Variants in CDH12 observed in about 807,000 individuals in gnomAD.
CDH12 encodes the protein cadherin-12.
In CDH12, 41 loss-of-function variants were observed where a neutral mutation model predicts 74.1. The ratio of observed to expected loss-of-function variants is 0.55; its 90% CI spans 0.43 to 0.72. The LOEUF is 0.72. CDH12 is among the 30% of genes least tolerant of loss of function. The probability of loss-of-function intolerance (pLI) is 0.00; values close to 1 mark genes in which losing one functional copy is unlikely to be tolerated. For synonymous variants in CDH12, 399 were observed against 355.0 expected (o/e 1.12, Z -1.39); for missense variants, 945 against 977.2 (o/e 0.97, Z 0.44).
At chr5:22,663,615 A>T (rs1198688039) in intron 1 of CDH12, among the ~76,000 whole-genome samples, 1 of 152,158 alleles carries the variant, frequency 6.6e-6, no homozygotes, top group Admixed American at 6.5e-5. Flanking sequence ...GCCTCATGTG[A>T]GCTGAATGTA....
At chr5:21,853,685 T>C (rs988433595) in intron 7 of CDH12, among the ~76,000 whole-genome samples, 5 of 151,702 alleles carry the variant, frequency 3.3e-5, no homozygotes, top group African/African-American at 1.2e-4. Context: ...TCTCAGGAAG[T>C]ATCAATTATA....
intron 1 of CDH12, among the ~76,000 whole-genome samples, chr5:22,843,389 C>T (rs1737163163): frequency 6.6e-6 from 1 of 152,062 alleles, no homozygotes; most frequent in Admixed American, 6.6e-5. Flanking sequence ...GAAGAATTCA[C>T]TATTCTTTAC....
intron 1 of CDH12, among the ~76,000 whole-genome samples, chr5:22,662,973 C>A (rs973751125): frequency 2.0e-5 from 3 of 152,156 alleles, no homozygotes; most frequent in African/African-American, 7.2e-5. Context: ...TTATAGATCC[C>A]TCTCCCATTA....
At chr5:22,172,741 CCT>C in intron 4 of CDH12, among the ~76,000 whole-genome samples, 1 of 151,636 alleles carries the variant, frequency 6.6e-6, no homozygotes, top group East Asian at 1.9e-4. Context: ...GAATGCATTT[CCT>C]TTTTTCTCTA....
intron 6 of CDH12, among the ~76,000 whole-genome samples, chr5:21,963,191 T>G (rs1172673618): frequency 6.6e-6 from 1 of 152,112 alleles, no homozygotes; most frequent in Non-Finnish European, 1.5e-5. Flanking sequence ...GCAGGTTTGT[T>G]ACAAAGTTAT....
chr5:22,267,405 G>T (rs1406941266), intron 3 of CDH12, among the ~76,000 whole-genome samples: 1 of 152,090 alleles, frequency 6.6e-6, no homozygotes, highest in Non-Finnish European at 1.5e-5. Context: ...TGGTTATTTG[G>T]TTTACGTGAT....
chr5:22,637,235 A>G (rs1738888162), intron 1 of CDH12, among the ~76,000 whole-genome samples: 1 of 152,240 alleles, frequency 6.6e-6, no homozygotes, highest in Admixed American at 6.5e-5. Context: ...ATGTAAGGCT[A>G]CAATTATTCC....
At chr5:22,306,757 T>C (rs947880755) in intron 3 of CDH12, among the ~76,000 whole-genome samples, 1 of 152,120 alleles carries the variant, frequency 6.6e-6, no homozygotes, top group Non-Finnish European at 1.5e-5. Context: ...AAAGTTTGCA[T>C]GAAAATCAAG....
intron 2 of CDH12, among the ~76,000 whole-genome samples, chr5:22,414,848 G>A (rs1410677662): frequency 1.3e-5 from 2 of 151,906 alleles, no homozygotes; most frequent in East Asian, 3.9e-4. Context: ...AGCTTTAGAA[G>A]ACTATTTTAA....
At chr5:22,427,668 T>C (rs2126512584) in intron 2 of CDH12, among the ~76,000 whole-genome samples, 1 of 152,316 alleles carries the variant, frequency 6.6e-6, no homozygotes, top group East Asian at 1.9e-4. Flanking sequence ...CCTTTTCTAG[T>C]TCATGGTCTG....
chr5:22,676,890 A>G (rs1741220529), intron 1 of CDH12, among the ~76,000 whole-genome samples: 1 of 152,208 alleles, frequency 6.6e-6, no homozygotes, highest in Non-Finnish European at 1.5e-5. Flanking sequence ...AATTACAAAT[A>G]GTAGTATTTC....
At chr5:22,583,381 T>G (rs1740202968) in intron 1 of CDH12, among the ~76,000 whole-genome samples, 1 of 152,200 alleles carries the variant, frequency 6.6e-6, no homozygotes, top group Admixed American at 6.5e-5. Context: ...AAATTTAAAA[T>G]ATTTTATTTA....
intron 1 of CDH12, among the ~76,000 whole-genome samples, chr5:22,678,290 T>C (rs575242449): frequency 1.3e-5 from 2 of 152,264 alleles, no homozygotes; most frequent in Admixed American, 6.5e-5. Flanking sequence ...TTTGGAGTGT[T>C]TGTAGCAAAC....
At chr5:22,645,469 A>G (rs1739390222) in intron 1 of CDH12, among the ~76,000 whole-genome samples, 1 of 152,020 alleles carries the variant, frequency 6.6e-6, no homozygotes, top group Non-Finnish European at 1.5e-5. Flanking sequence ...CTTTTTATGG[A>G]TTAGCAAATA....
At chr5:22,287,455 T>C (rs142228706) in intron 3 of CDH12, among the ~76,000 whole-genome samples, 3,807 of 152,214 alleles carry the variant, frequency 0.025, 70 homozygotes, top group African/African-American at 0.051. Context: ...CTGGGCGCGG[T>C]GGCTCACGCC....
rs182034060 is a variant in CDH12 at position 22,560,806 on chromosome 5, C to T, written c.-522-55442G>A. ...TTGTATTTTGCTACATCTTATATAA[C>T]ATTGTGAAACTTCTAAGGATCAGAA... is the stretch of plus-strand genomic sequence containing the variant. On this transcript the variant is annotated intron_variant, in intron 1 of 14. Transcript: ENST00000382254. Among the ~76,000 whole-genome samples, 45 of 152,194 alleles carry T rather than the reference C, an allele frequency of 3.0e-4. No individual in the cohort carries two copies. In the East Asian group the frequency reaches 3.1e-3, roughly 10 times the overall value.
rs1740849222 is a variant in CDH12 at position 22,057,852 on chromosome 5, CTG to C, written c.231+20592_231+20593del. 3.9e-5 allele frequency among the ~76,000 whole-genome samples: 6 copies of C among 152,148 alleles called. No homozygotes were observed. The South Asian group carries it at 1.2e-3, about 32-fold the overall frequency. On this transcript the variant is annotated intron_variant, in intron 5 of 14. Transcript: ENST00000382254. ...GCAGCTAAATATGTCACTGGCATCT[CTG>C]TGTTCTCCAGAGAACCAAAGGGTAC...
intron 4 of CDH12, among the ~76,000 whole-genome samples, chr5:22,173,691 A>G (rs889021954): frequency 2.0e-5 from 3 of 151,824 alleles, no homozygotes; most frequent in Admixed American, 1.3e-4. Flanking sequence ...GTAGCTATTC[A>G]TATACTAAAA....
chr5:22,701,044 T>G (rs1183794135), intron 1 of CDH12, among the ~76,000 whole-genome samples: 1 of 152,132 alleles, frequency 6.6e-6, no homozygotes, highest in Non-Finnish European at 1.5e-5. Flanking sequence ...CCCACTTCCT[T>G]TTCCTGTTTA....
Sources: allele counts gnomAD v4.1 joint callset (sites outside exome capture counted in the v4.1 genomes callset), GRCh38; gene constraint gnomAD v4.1.1; transcripts MANE v1.5; gene names NCBI Gene and HGNC (gene_info 2026-07-23, HGNC 2026-07-21).